Variants in ZRANB3 observed in about 807,000 individuals in gnomAD.
ZRANB3 encodes zinc finger RANBP2-type containing 3.
A neutral mutation model predicts 133.8 loss-of-function variants in ZRANB3; 125 were observed. The observed-to-expected ratio is 0.93, with a 90% CI of 0.81 to 1.08. The LOEUF (loss-of-function observed/expected upper bound fraction) is 1.08, where lower values mean the gene tolerates loss of function less well. Ranked by LOEUF, ZRANB3 falls within the 50% of genes least tolerant of loss-of-function variation. ZRANB3 has a pLI of 0.00. For synonymous variants in ZRANB3, 387 were observed against 432.7 expected (o/e 0.89, Z 1.31); for missense variants, 1,229 against 1,275.5 (o/e 0.96, Z 0.56).
At chr2:135,334,668 G>C (rs1240277589) in intron 6 of ZRANB3, among the ~76,000 whole-genome samples, 1 of 152,026 alleles carries the variant, frequency 6.6e-6, no homozygotes, top group Non-Finnish European at 1.5e-5. Flanking sequence ...GGCCGAGGCA[G>C]GTGGATCACG....
intron 2 of ZRANB3, among the ~76,000 whole-genome samples, chr2:135,417,583 C>G (rs1486227590): frequency 1.3e-5 from 2 of 152,162 alleles, no homozygotes; most frequent in African/African-American, 2.4e-5. Context: ...ACTAGAAATA[C>G]CATTTGACCC....
At chr2:135,287,736 G>A (rs1294608400) in intron 8 of ZRANB3, among the ~76,000 whole-genome samples, 1 of 137,742 alleles carries the variant, frequency 7.3e-6, no homozygotes, top group Non-Finnish European at 1.5e-5. Flanking sequence ...TCTTGGCTTG[G>A]TCACTGTTAG....
At chr2:135,224,889 G>A (rs1245246674) in intron 14 of ZRANB3, among the ~76,000 whole-genome samples, 1 of 152,198 alleles carries the variant, frequency 6.6e-6, no homozygotes, top group Non-Finnish European at 1.5e-5. Context: ...GAGACCGAAT[G>A]AGCATCATTT....
chr2:135,408,448 C>T (rs952623431), intron 2 of ZRANB3, among the ~76,000 whole-genome samples: 3 of 149,432 alleles, frequency 2.0e-5, no homozygotes, highest in Non-Finnish European at 2.9e-5. Context: ...CTAGAAATAA[C>T]GTTTGACCCA....
intron 2 of ZRANB3, among the ~76,000 whole-genome samples, chr2:135,451,937 T>C (rs1690291079): frequency 6.6e-6 from 1 of 152,072 alleles, no homozygotes; most frequent in Admixed American, 6.6e-5. Context: ...GAAGAAAAGA[T>C]TAGTGTACTT....
chr2:135,521,644 T>C (rs1392491173), intron 1 of ZRANB3, among the ~76,000 whole-genome samples: 1 of 151,982 alleles, frequency 6.6e-6, no homozygotes, highest in African/African-American at 2.4e-5. Flanking sequence ...CCAGGGGAAA[T>C]GACAGCTGTA....
In ZRANB3 at chr2:135,294,179, C is replaced by A. The variant is rs1218633884; in HGVS notation, c.967-18424G>T. ...AGTTTCAGAAGGAATGGTACCAGCT[C>A]TTCCTTGTACCTCTCATAGAATTTG... is the stretch of plus-strand genomic sequence containing the variant. On this transcript the variant is annotated intron_variant, in intron 8 of 20. Coordinates refer to ENST00000264159, the MANE Select transcript of ZRANB3 (RefSeq NM_032143.4). Among the ~76,000 whole-genome samples, 3 of 152,212 alleles carry A rather than the reference C, an allele frequency of 2.0e-5. No individual in the cohort carries two copies. The East Asian group carries it at 5.8e-4, about 29-fold the overall frequency.
chr2:135,465,201 A>C (rs1224415550), intron 2 of ZRANB3, among the ~76,000 whole-genome samples: 2 of 152,208 alleles, frequency 1.3e-5, no homozygotes, highest in African/African-American at 4.8e-5. Context: ...AAGAACACCA[A>C]GGTAAAATAT....
intron 3 of ZRANB3, among the ~76,000 whole-genome samples, chr2:135,385,377 G>A (rs1007879416): frequency 2.0e-5 from 3 of 152,198 alleles, no homozygotes; most frequent in African/African-American, 7.2e-5. Flanking sequence ...CCATGCTCAT[G>A]GGTAGGAAGA....
chr2:135,314,532 AG>A (rs1462743638), intron 7 of ZRANB3, among the ~76,000 whole-genome samples: 1 of 152,210 alleles, frequency 6.6e-6, no homozygotes, highest in Non-Finnish European at 1.5e-5. Flanking sequence ...AGTCTCCAAA[AG>A]TAAACATGGA....
In ZRANB3 at chr2:135,505,246, C is replaced by A. The variant is rs1435240492; in HGVS notation, c.-7-750G>T. ...AATAATATTTTGTATTTAGATGGTA[C>A]CCTGCCTTCTGTTTATATATTATCT... On this transcript the variant is annotated intron_variant, in intron 1 of 20. Transcript: ENST00000264159. 2.6e-5 allele frequency among the ~76,000 whole-genome samples: 4 copies of A among 151,990 alleles called. No individual in the cohort carries two copies. In the South Asian group the frequency reaches 8.3e-4, roughly 32 times the overall value.
chr2:135,236,458 C>CA (rs780348477), intron 12 of ZRANB3, among the ~76,000 whole-genome samples: 2 of 152,020 alleles, frequency 1.3e-5, no homozygotes, highest in East Asian at 1.9e-4. Context: ...CATATGGAAC[C>CA]AAAAAAGAAC....
intron 8 of ZRANB3, among the ~76,000 whole-genome samples, chr2:135,277,950 T>C (rs1182294743): frequency 6.9e-6 from 1 of 143,888 alleles, no homozygotes; most frequent in Non-Finnish European, 1.5e-5. Context: ...AAAAAACAAA[T>C]ATAAAATGTA....
chr2:135,353,423 C>A, intron 4 of ZRANB3, 27 bp downstream of exon 4: 1 of 1,502,132 alleles, frequency 6.7e-7, no homozygotes, highest in South Asian at 1.4e-5. Context: ...AGACTTTTCT[C>A]CTTAAATATT....
At chr2:135,444,111 C>CA (rs34954609) in intron 2 of ZRANB3, among the ~76,000 whole-genome samples, 330 of 142,678 alleles carry the variant, frequency 2.3e-3, no homozygotes, top group African/African-American at 6.3e-3. Flanking sequence ...ATCAAAAAGA[C>CA]AAAAAAAAAA....
At chr2:135,282,748 A>G (rs188052145) in intron 8 of ZRANB3, among the ~76,000 whole-genome samples, 192 of 152,324 alleles carry the variant, frequency 1.3e-3, no homozygotes, top group Non-Finnish European at 1.9e-3. Flanking sequence ...TAACCAGCAT[A>G]GTTTTACAAA....
At chr2:135,260,841 C>G (rs1389906890) in intron 12 of ZRANB3, among the ~76,000 whole-genome samples, 2 of 142,628 alleles carry the variant, frequency 1.4e-5, no homozygotes, top group South Asian at 2.1e-4. Context: ...TATATATATA[C>G]TATATATATT....
chr2:135,255,168 G>C (rs1679594460), intron 12 of ZRANB3, among the ~76,000 whole-genome samples: 1 of 152,038 alleles, frequency 6.6e-6, no homozygotes, highest in African/African-American at 2.4e-5. Flanking sequence ...CAAAAGACCA[G>C]ACCAAACCAG....
intron 8 of ZRANB3, among the ~76,000 whole-genome samples, chr2:135,294,434 C>T (rs60989733): frequency 0.31 from 47,122 of 151,802 alleles, 11,294 homozygotes; most frequent in African/African-American, 0.66. Context: ...GTGGGATCGG[C>T]GGTGATATCC....
Sources: gnomAD v4.1 joint callset for allele counts (sites outside exome capture counted in the v4.1 genomes callset) on GRCh38, gnomAD v4.1.1 for gene constraint, MANE v1.5 for transcripts, NCBI Gene and HGNC (gene_info 2026-07-23, HGNC 2026-07-21) for gene names.